PUF60: variants seen among roughly 807,000 people sequenced by gnomAD.
PUF60 encodes the protein poly(U)-binding-splicing factor PUF60.
In PUF60, 10 loss-of-function variants were observed where a neutral mutation model predicts 61.8. That is an observed-to-expected ratio of 0.16 (90% CI 0.10 to 0.27). PUF60 has a LOEUF of 0.27. Among genes scored for constraint, PUF60 ranks in the 10% least tolerant of loss-of-function variants. The pLI is 1.00. For missense variants in PUF60, 371 were observed against 754.0 expected (o/e 0.49, Z 5.95); for synonymous variants, 353 against 300.9 (o/e 1.17, Z -1.79).
rs753923608 is a variant in PUF60 at position 143,817,122 on chromosome 8, TAGG to T, written c.1165_1167del (p.Pro389del). On this transcript the variant is annotated inframe_deletion, in exon 11 of 12. Transcript: ENST00000526683. The surrounding 1 kb of genome is among the most constrained non-coding windows in gnomAD (Gnocchi z 7.4). ...CCCACCGAGGGGATGGTGACCGGGA[TAGG>T]AGGACGGGCTGGGGTCACACCTGCA... 179 of 1,608,196 alleles carry T rather than the reference TAGG, an allele frequency of 1.1e-4. No homozygotes were observed. Among genetic ancestry groups the T allele is most frequent in the Middle Eastern group, 5.0e-4 (3 of 6,040 alleles).
At chr8:143,829,148 G>A in intron 1 of PUF60, 132 bp downstream of exon 1, 2 of 1,209,512 alleles carry the variant, frequency 1.7e-6, no homozygotes, top group Admixed American at 4.4e-5. Flanking sequence ...ACGCGACCCG[G>A]GGACACGAGG....
intron 5 of PUF60, among the ~76,000 whole-genome samples, chr8:143,819,246 G>A (rs1816739743): frequency 1.3e-5 from 2 of 152,154 alleles, no homozygotes; most frequent in South Asian, 2.1e-4. Context: ...GAGACCCTAC[G>A]AGAAGCCCCC....
chr8:143,820,320 G>A (rs985711250), intron 5 of PUF60: 2 of 342,252 alleles, frequency 5.8e-6, no homozygotes, highest in African/African-American at 4.4e-5. Context: ...GCAGCCTGGA[G>A]ACTGACGGGG....
rs367992597 is a variant in PUF60, at chr8:143,821,663, C to T, written c.231G>A (p.Gln77=). 1.4e-4 allele frequency: 220 copies of T among 1,548,520 alleles called. 1 individual carries two copies. In the African/African-American group the frequency reaches 2.8e-3, roughly 20 times the overall value. Residue 77 remains glutamine, a synonymous_variant, in exon 4 of 12, where the codon CAG becomes CAA. Coordinates refer to ENST00000526683, the MANE Select transcript of PUF60 (RefSeq NM_078480.3). ...GCTTCACCAGCACACTCTTGATGCT[C>T]TGCTCCATGGCGTACTTCTTGGCCT... The part of the protein sequence containing the change: ...LQKAKKYAME[Q]SIKSVLVKQT...
intron 2 of PUF60, chr8:143,822,683 C>A: frequency 2.4e-6 from 1 of 417,540 alleles, no homozygotes. Context: ...CAAGCTGATG[C>A]CAACCAGGAT....
chr8:143,818,775 G>A lies in PUF60; in HGVS notation c.349-241C>T, dbSNP rs1490264312. The A allele has an allele frequency of 1.8e-6, 1 of 552,454 alleles. No individual in the cohort carries two copies. Among genetic ancestry groups the A allele is most frequent in the Non-Finnish European group, 3.2e-6 (1 of 313,306 alleles). The allele number at this position is 552,454 out of a possible 1,614,324, so 34.2% of individuals were successfully genotyped here. A position where few individuals can be genotyped will look rare whatever the true frequency, so the allele number is the denominator to read the frequency against. On this transcript the variant is annotated intron_variant, in intron 5 of 11. Transcript: ENST00000526683. The surrounding 1 kb of genome is among the most constrained non-coding windows in gnomAD (Gnocchi z 7.9). ...CGCACCCCAGCCCGCCAAGGTCCCA[G>A]GCAGACTGCGGCAGCAAAGCCGACA...
At chr8:143,825,978 C>A (rs1339864568) in intron 1 of PUF60, among the ~76,000 whole-genome samples, 1 of 152,254 alleles carries the variant, frequency 6.6e-6, no homozygotes, top group African/African-American at 2.4e-5. Flanking sequence ...GCATTCTACA[C>A]AGGACACCCC....
intron 1 of PUF60, among the ~76,000 whole-genome samples, chr8:143,828,662 A>C (rs1053134614): frequency 2.0e-5 from 3 of 152,302 alleles, no homozygotes; most frequent in Admixed American, 1.3e-4. Context: ...CTGCGTCCCC[A>C]GATCCTCCCG....
chr8:143,819,436 G>C (rs559850782), intron 5 of PUF60, among the ~76,000 whole-genome samples: 1 of 152,216 alleles, frequency 6.6e-6, no homozygotes, highest in African/African-American at 2.4e-5. Context: ...GGGAGCCTGT[G>C]GGCCAGGGCA....
In PUF60 at chr8:143,820,512, T is replaced by C. The variant is rs4874103; in HGVS notation, c.348+154A>G. 781,443 of 858,414 alleles carry C rather than the reference T, an allele frequency of 0.91. 356,453 individuals are homozygous for C. Among genetic ancestry groups the C allele is most frequent in the East Asian group, 0.98 (40,080 of 40,932 alleles). The allele number at this position is 858,414 out of a possible 1,614,324, so 53.2% of individuals were successfully genotyped here. A position where few individuals can be genotyped will look rare whatever the true frequency, so the allele number is the denominator to read the frequency against. ...GGTCCCGGGTGGGTGCCCACACCAC[T>C]GGCCCCACCACGCCTGGCGCTCTGC... On this transcript the variant is annotated intron_variant, in intron 5 of 11. Transcript: ENST00000526683.
In PUF60 at chr8:143,817,059, C is replaced by T. The variant is rs1273981686; in HGVS notation, c.1231G>A (p.Gly411Ser). Residue 411 changes from glycine (G) to serine (S), a missense_variant, in exon 11 of 12, where the codon GGT becomes AGT. By Grantham distance (56) the Gly-to-Ser change is moderately conservative. Coordinates refer to ENST00000526683, the MANE Select transcript of PUF60 (RefSeq NM_078480.3). This position sits in a 1 kb window ranked among gnomAD's most constrained non-coding sequence, Gnocchi z 7.4. The stretch of plus-strand genomic sequence containing the variant: ...TTCTCCTTCTTGGGCTCCAGGAGAC[C>T]CAGCGTTGGAGGGCTGGCCAGGATG... ...NPILASPPTL[G>S]LLEPKKEKEE... The T allele has an allele frequency of 6.2e-7, 1 of 1,611,550 alleles. No homozygotes were observed. Among genetic ancestry groups the T allele is most frequent in the East Asian group, 2.2e-5 (1 of 44,826 alleles).
Position 143,818,536 on chromosome 8 carries a change from TGCA to T in PUF60, c.349-5_349-3del. The T allele has an allele frequency of 6.3e-7, 1 of 1,586,656 alleles. No homozygotes were observed. Among genetic ancestry groups the T allele is most frequent in the Non-Finnish European group, 8.6e-7 (1 of 1,167,494 alleles). On this transcript the variant is annotated splice_polypyrimidine_tract_variant and splice_region_variant and intron_variant, in intron 5 of 11. Transcript: ENST00000526683. This position sits in a 1 kb window ranked among gnomAD's most constrained non-coding sequence, Gnocchi z 7.9. ...CGCCCGCTGCCGCTGAGCCGCCATC[TGCA>T]GCAGGACAGAGGGGAGAGAACCGCT...
rs1027903416 is a variant in PUF60, at chr8:143,818,692, G to C, written c.349-158C>G. ...GCTCCATCCCTGCAGTCATAGTGTG[G>C]GGGTCGCAGGACCCCGCCACCCAAA... On this transcript the variant is annotated intron_variant, in intron 5 of 11. Transcript: ENST00000526683. The surrounding 1 kb of genome is among the most constrained non-coding windows in gnomAD (Gnocchi z 7.9). The C allele has an allele frequency of 5.0e-6, 4 of 795,846 alleles. No individual in the cohort carries two copies. In the African/African-American group the frequency reaches 5.2e-5, roughly 10 times the overall value. 49.3% of individuals were successfully genotyped at this position (795,846 alleles called of 1,614,324 possible). A position where few individuals can be genotyped will look rare whatever the true frequency, so the allele number is the denominator to read the frequency against.
At position 143,817,568 on chromosome 8, in the gene PUF60, G is replaced by A. The variant is rs955140346; in HGVS notation, c.1008+24C>T. The A allele has an allele frequency of 8.1e-6, 13 of 1,609,798 alleles. No individual in the cohort carries two copies. The highest frequency in any genetic ancestry group is 2.2e-5 in the East Asian group (1 of 44,884). ...CAGGGGCCAGCCCGCCCACCCTCAAGCCGACAGCTGTGTGGGCCCTCACCT... is the reference window on the plus strand; with the variant it reads ...CAGGGGCCAGCCCGCCCACCCTCAAACCGACAGCTGTGTGGGCCCTCACCT... On this transcript the variant is annotated intron_variant, in intron 9 of 11. Transcript: ENST00000526683. This position sits in a 1 kb window ranked among gnomAD's most constrained non-coding sequence, Gnocchi z 7.4.
chr8:143,825,362 G>C (rs1159502013), intron 1 of PUF60, among the ~76,000 whole-genome samples: 1 of 152,164 alleles, frequency 6.6e-6, no homozygotes, highest in African/African-American at 2.4e-5. Flanking sequence ...CTGCACTGGG[G>C]AAGGCCAACC....
At position 143,818,667 on chromosome 8, in the gene PUF60, G is replaced by A. The variant is rs1816662188; in HGVS notation, c.349-133C>T. 1 of 962,892 alleles carries A rather than the reference G, an allele frequency of 1.0e-6. No individual in the cohort carries two copies. 59.6% of individuals were successfully genotyped at this position (962,892 alleles called of 1,614,324 possible). A position where few individuals can be genotyped will look rare whatever the true frequency, so the allele number is the denominator to read the frequency against. On this transcript the variant is annotated intron_variant, in intron 5 of 11. Coordinates refer to ENST00000526683, the MANE Select transcript of PUF60 (RefSeq NM_078480.3). This position sits in a 1 kb window ranked among gnomAD's most constrained non-coding sequence, Gnocchi z 7.9. The stretch of plus-strand genomic sequence containing the variant: ...CTCCCCACATGACAGGGAGGTGCGG[G>A]CTCCATCCCTGCAGTCATAGTGTGG...
At position 143,821,930 on chromosome 8, in the gene PUF60, G is replaced by A. The variant is rs750441358; in HGVS notation, c.112-17C>T. 11 of 1,567,316 alleles carry A rather than the reference G, an allele frequency of 7.0e-6. No individual in the cohort carries two copies. The highest frequency in any genetic ancestry group is 9.5e-6 in the Non-Finnish European group (11 of 1,156,046). On this transcript the variant is annotated splice_polypyrimidine_tract_variant and intron_variant, in intron 2 of 11. Coordinates refer to ENST00000526683, the MANE Select transcript of PUF60 (RefSeq NM_078480.3). Reference sequence around the variant, plus strand: ...GTCTGTGCCCTGGTAAGGGAGCAGGGGAATCCATCAGCAGCAAGCTCAAGT... The same window carrying A: ...GTCTGTGCCCTGGTAAGGGAGCAGGAGAATCCATCAGCAGCAAGCTCAAGT...
At chr8:143,826,826 C>A (rs1392348028) in intron 1 of PUF60, among the ~76,000 whole-genome samples, 4 of 152,254 alleles carry the variant, frequency 2.6e-5, no homozygotes, top group South Asian at 2.1e-4. Flanking sequence ...TCTCCTAGGG[C>A]TACTGTGAAG....
Position 143,817,035 on chromosome 8 carries a change from TCTC to T in PUF60, c.1252_1254del (p.Glu418del), listed in dbSNP as rs1354708810. The T allele has an allele frequency of 3.7e-6, 6 of 1,610,846 alleles. No individual in the cohort carries two copies. Among genetic ancestry groups the T allele is most frequent in the South Asian group, 1.1e-5 (1 of 90,498 alleles). ...TCGGGAAACAGCTCCTCTTCTTCCT[TCTC>T]CTTCTTGGGCTCCAGGAGACCCAGC... On this transcript the variant is annotated inframe_deletion, in exon 11 of 12. Coordinates refer to ENST00000526683, the MANE Select transcript of PUF60 (RefSeq NM_078480.3). This position sits in a 1 kb window ranked among gnomAD's most constrained non-coding sequence, Gnocchi z 7.4.
Sources: gnomAD v4.1 joint callset for allele counts (sites outside exome capture counted in the v4.1 genomes callset) on GRCh38, gnomAD v4.1.1 for gene constraint, Gnocchi (gnomAD v3.1) non-coding constraint, MANE v1.5 for transcripts, NCBI Gene and HGNC (gene_info 2026-07-23, HGNC 2026-07-21) for gene names.